The following PCDH15 variants were observed in gnomAD, a reference collection of about 807,000 sequenced individuals.
PCDH15 encodes the protein protocadherin-15.
PCDH15 carries 129 observed loss-of-function variants against 178.5 expected under a neutral mutation model. The observed-to-expected ratio is 0.72, with a 90% confidence interval of 0.63 to 0.84. PCDH15 has a LOEUF of 0.84. PCDH15 is among the 40% of genes least tolerant of loss of function. The pLI is 0.00. For missense variants in PCDH15, 2,230 were observed against 2,099.9 expected, an observed-to-expected ratio of 1.06 and a Z score of -1.21; for synonymous variants, 800 against 732.0, an observed-to-expected ratio of 1.09 and a Z score of -1.50.
intron 1 of PCDH15, among the ~76,000 whole-genome samples, chr10:54,699,973 C>T (rs1383990960): frequency 6.6e-6 from 1 of 151,964 alleles, no homozygotes; most frequent in Non-Finnish European, 1.5e-5. Flanking sequence ...ATCTATTTTA[C>T]AAATGATGCT....
intron 2 of PCDH15, among the ~76,000 whole-genome samples, chr10:54,548,617 G>A (rs1370525894): frequency 8.9e-6 from 1 of 112,752 alleles, no homozygotes; most frequent in South Asian, 3.5e-4. Context: ...TTAATATATA[G>A]TATATATTAT....
chr10:55,322,534 T>G (rs890118074), upstream of PCDH15, among the ~76,000 whole-genome samples: 28 of 152,120 alleles, frequency 1.8e-4, no homozygotes, highest in Admixed American at 1.6e-3. Flanking sequence ...GCTGAATGGC[T>G]TTGCCCAAAA....
intron 1 of PCDH15, among the ~76,000 whole-genome samples, chr10:54,681,262 A>G (rs1310459644): frequency 1.3e-5 from 2 of 152,216 alleles, no homozygotes; most frequent in African/African-American, 2.4e-5. Flanking sequence ...AATATCTATT[A>G]AACTACCAAA....
intron 2 of PCDH15, among the ~76,000 whole-genome samples, chr10:54,999,229 A>G (rs1318631774): frequency 6.6e-6 from 1 of 152,194 alleles, no homozygotes; most frequent in African/African-American, 2.4e-5. Flanking sequence ...GCCATTTAAA[A>G]TTCAATATGT....
At chr10:53,811,981 G>A (rs2075881917) in intron 35 of PCDH15, among the ~76,000 whole-genome samples, 1 of 152,094 alleles carries the variant, frequency 6.6e-6, no homozygotes, top group African/African-American at 2.4e-5. Flanking sequence ...TCAATTTTAA[G>A]TTAAATTATT....
At chr10:54,879,892 T>C (rs774992045) in intron 3 of PCDH15, among the ~76,000 whole-genome samples, 2 of 152,068 alleles carry the variant, frequency 1.3e-5, no homozygotes, top group Non-Finnish European at 2.9e-5. Context: ...GTGATCATCA[T>C]GATTCCTTAA....
chr10:54,038,712 G>C (rs765047396), intron 18 of PCDH15, among the ~76,000 whole-genome samples: 32 of 151,916 alleles, frequency 2.1e-4, no homozygotes, highest in Admixed American at 7.2e-4. Flanking sequence ...AAAAAGCCAA[G>C]ACATTCAGCT....
At chr10:53,906,905 G>T (rs1163268092) in intron 25 of PCDH15, 2 of 151,486 alleles carry the variant, frequency 1.3e-5, no homozygotes, top group African/African-American at 4.9e-5. Context: ...TCATGTGCTT[G>T]CTCCTTGTCT....
At chr10:54,776,911 G>T (rs1262461648) in intron 1 of PCDH15, among the ~76,000 whole-genome samples, 1 of 152,104 alleles carries the variant, frequency 6.6e-6, no homozygotes, top group African/African-American at 2.4e-5. Context: ...TTAAGAGGAG[G>T]TTTATACAAA....
intron 34 of PCDH15, among the ~76,000 whole-genome samples, chr10:53,817,743 A>G (rs2076117161): frequency 6.6e-6 from 1 of 152,088 alleles, no homozygotes; most frequent in Non-Finnish European, 1.5e-5. Context: ...ACTGAGTAAT[A>G]GTAATGCAGA....
At chr10:53,950,932 T>A (rs942291138) in intron 23 of PCDH15, among the ~76,000 whole-genome samples, 1 of 152,044 alleles carries the variant, frequency 6.6e-6, no homozygotes, top group African/African-American at 2.4e-5. Context: ...GCCTCTCAGA[T>A]CTTCAACTAC....
intron 2 of PCDH15, among the ~76,000 whole-genome samples, chr10:54,953,285 A>G (rs1051783454): frequency 1.3e-5 from 2 of 151,362 alleles, no homozygotes; most frequent in African/African-American, 2.4e-5. Context: ...AATCATATAT[A>G]TTTTTCTTCT....
At chr10:54,139,760 A>C (rs1303432863) in intron 14 of PCDH15, among the ~76,000 whole-genome samples, 1 of 152,182 alleles carries the variant, frequency 6.6e-6, no homozygotes, top group Non-Finnish European at 1.5e-5. Context: ...TAGTTATGAA[A>C]CAAGGCAGAA....
intron 10 of PCDH15, among the ~76,000 whole-genome samples, chr10:54,200,740 A>T (rs548266717): frequency 5.3e-4 from 80 of 151,926 alleles, no homozygotes; most frequent in African/African-American, 1.9e-3. Flanking sequence ...CTATTTTACT[A>T]CCCATTTTTT....
At chr10:55,104,947 GT>G (rs1222895767) in intron 2 of PCDH15, among the ~76,000 whole-genome samples, 3 of 152,194 alleles carry the variant, frequency 2.0e-5, no homozygotes, top group Non-Finnish European at 4.4e-5. Context: ...CTCATGGGGT[GT>G]TTTAAGCAGA....
At chr10:53,817,527 C>CTTTTTTTTTTTTTTTTCT (rs568238130) in intron 34 of PCDH15, among the ~76,000 whole-genome samples, 6 of 95,162 alleles carry the variant, frequency 6.3e-5, no homozygotes, top group Admixed American at 2.1e-4. Flanking sequence ...TTTTTTTTTT[C>CTTTTTTTTTTTTTTTTCT]TTTTTTTTTT....
At position 54,317,414 on chromosome 10, in the gene PCDH15, G is replaced by T. The variant is rs111033260; in HGVS notation, c.733C>A (p.Arg245=). Residue 245 remains arginine, a synonymous_variant, in exon 8 of 38, where the codon CGA becomes AGA. Coordinates refer to ENST00000644397, the MANE Select transcript of PCDH15 (RefSeq NM_001384140.1). ...NDRAQNLNER[R]TTTTTLTVDV... The stretch of plus-strand genomic sequence containing the variant: ...ACTGTGAGAGTGGTGGTGGTGGTTC[G>T]CCTCTCATTCAGATTTTGGGCACGG... The T allele has an allele frequency of 6.2e-7, 1 of 1,613,840 alleles. No homozygotes were observed. The highest frequency in any genetic ancestry group is 1.1e-5 in the South Asian group (1 of 91,080).
intron 26 of PCDH15, among the ~76,000 whole-genome samples, chr10:53,875,660 G>T (rs1488638040): frequency 2.6e-5 from 4 of 151,924 alleles, no homozygotes; most frequent in Non-Finnish European, 4.4e-5. Context: ...ATAAAAGTCA[G>T]AAATGAATAT....
intron 1 of PCDH15, among the ~76,000 whole-genome samples, chr10:54,739,684 A>G (rs143298173): frequency 1.2e-4 from 18 of 152,110 alleles, no homozygotes; most frequent in African/African-American, 3.9e-4. Flanking sequence ...TCATAGAAAT[A>G]TACACATAAG....
Sources: gnomAD v4.1 joint callset for allele counts (sites outside exome capture counted in the v4.1 genomes callset) on GRCh38, gnomAD v4.1.1 for gene constraint, MANE v1.5 for transcripts, NCBI Gene and HGNC (gene_info 2026-07-23, HGNC 2026-07-21) for gene names.